PLCG2: variants seen among roughly 807,000 people sequenced by gnomAD.
PLCG2 encodes phospholipase C gamma 2.
PLCG2 carries 69 observed loss-of-function variants against 175.6 expected under a neutral mutation model. That is an observed-to-expected ratio of 0.39 (90% CI 0.32 to 0.48). The LOEUF (loss-of-function observed/expected upper bound fraction) is 0.48. Among genes scored for constraint, PLCG2 ranks in the 20% least tolerant of loss-of-function variants. The pLI is 0.91. For missense variants in PLCG2, 1,798 were observed against 1,650.9 expected (o/e 1.09, Z -1.54); for synonymous variants, 827 against 624.0 (o/e 1.33, Z -4.85).
At chr16:81,893,621 G>T (rs1426718964) in intron 11 of PLCG2, 88 bp from the exon 12 acceptor site, 2 of 788,860 alleles carry the variant, frequency 2.5e-6, no homozygotes, top group Non-Finnish European at 4.4e-6. Flanking sequence ...GGGCGGAGAA[G>T]TTCCCCCACA....
chr16:81,761,717 C>G (rs965198850), intron 2 of PLCG2, among the ~76,000 whole-genome samples: 9 of 152,062 alleles, frequency 5.9e-5, no homozygotes, highest in Non-Finnish European at 1.3e-4. Flanking sequence ...TAGTTGTTTG[C>G]TCTTCTCATT....
intron 25 of PLCG2, among the ~76,000 whole-genome samples, chr16:81,931,909 G>A (rs2143714472): frequency 1.3e-5 from 2 of 152,320 alleles, no homozygotes; most frequent in South Asian, 4.1e-4. Flanking sequence ...CTGCAGCAAT[G>A]CTCATTGATG....
chr16:81,939,289 A>G lies in PLCG2; in HGVS notation c.3313+374A>G, dbSNP rs544389264. On this transcript the variant is annotated intron_variant, in intron 29 of 32. Coordinates refer to ENST00000564138, the MANE Select transcript of PLCG2 (RefSeq NM_002661.5). ...CTGACCTGACCCAGAGGATCAGCCT[A>G]ACCTGGGAGATCTTAGCCCCTAGAG... Among the ~76,000 whole-genome samples, 9 of 152,290 alleles carry G rather than the reference A, an allele frequency of 5.9e-5. No individual in the cohort carries two copies. The South Asian group carries it at 1.9e-3, about 32-fold the overall frequency.
intron 2 of PLCG2, among the ~76,000 whole-genome samples, chr16:81,809,196 A>T (rs1441778503): frequency 2.6e-5 from 4 of 151,848 alleles, no homozygotes; most frequent in Non-Finnish European, 5.9e-5. Context: ...CTCAGCACAC[A>T]CCTCTGCACA....
chr16:81,785,932 T>G lies in PLCG2; in HGVS notation c.-47-11T>G. ...CTAAAATCAGTTCACTCTTTAATTC[T>G]GCCCTTTCAGCTTCCTGATTTCTCC... On this transcript the variant is annotated splice_polypyrimidine_tract_variant and intron_variant, in intron 1 of 32. Coordinates refer to ENST00000564138, the MANE Select transcript of PLCG2 (RefSeq NM_002661.5). The G allele has an allele frequency of 6.6e-7, 1 of 1,508,878 alleles. No homozygotes were observed. Among genetic ancestry groups the G allele is most frequent in the Non-Finnish European group, 9.1e-7 (1 of 1,095,792 alleles). 93.5% of individuals were successfully genotyped at this position (1,508,878 alleles called of 1,614,324 possible). A position where few individuals can be genotyped will look rare whatever the true frequency, so the allele number is the denominator to read the frequency against.
chr16:81,746,554 G>C (rs911402547), intron 1 of PLCG2, among the ~76,000 whole-genome samples: 1 of 152,208 alleles, frequency 6.6e-6, no homozygotes, highest in Non-Finnish European at 1.5e-5. Context: ...ACAACTTTTG[G>C]ATTTTGAATT....
rs73587698 is a variant in PLCG2, at chr16:81,793,471, G to A, written c.193+7289G>A. Among the ~76,000 whole-genome samples the A allele has an allele frequency of 2.4e-3, 367 of 152,298 alleles. 1 individual carries two copies. Among genetic ancestry groups the A allele is most frequent in the African/African-American group, 8.4e-3 (351 of 41,560 alleles). The stretch of plus-strand genomic sequence containing the variant: ...TTGTGGGTCTGGAATTTTAGGGTCG[G>A]CTGTGGTGATGGGCCCTTTTGAGGG... On this transcript the variant is annotated intron_variant, in intron 2 of 32. Transcript: ENST00000564138.
At chr16:81,763,570 T>C (rs1910083465) in intron 2 of PLCG2, among the ~76,000 whole-genome samples, 1 of 152,242 alleles carries the variant, frequency 6.6e-6, no homozygotes, top group African/African-American at 2.4e-5. Flanking sequence ...GGGTAGCTGG[T>C]CTTCTAACGT....
chr16:81,889,023 A>C, intron 9 of PLCG2, 149 bp from the exon 10 acceptor site: 20 of 558,234 alleles, frequency 3.6e-5, no homozygotes, highest in East Asian at 6.0e-5. Context: ...CATGTGCAGA[A>C]TGAGGCCTCA....
At chr16:81,851,769 TC>T (rs1293441370) in intron 2 of PLCG2, among the ~76,000 whole-genome samples, 3 of 152,210 alleles carry the variant, frequency 2.0e-5, no homozygotes, top group Non-Finnish European at 4.4e-5. Flanking sequence ...CGCCTTGGCC[TC>T]CCAAAGTGCT....
chr16:81,769,245 T>G (rs1211868112), intron 2 of PLCG2, among the ~76,000 whole-genome samples: 1 of 152,206 alleles, frequency 6.6e-6, no homozygotes, highest in Non-Finnish European at 1.5e-5. Context: ...ACGTCTAATA[T>G]CTTCCTGTAT....
In PLCG2 at chr16:81,900,823, G is replaced by T. The variant is rs200141999; in HGVS notation, c.1362+43G>T. 984 of 1,561,402 alleles carry T rather than the reference G, an allele frequency of 6.3e-4. 4 individuals carry two copies. The African/African-American group carries it at 0.012, about 19-fold the overall frequency. ...TGCTGTTGGCTGTCCAGGGAGCCCA[G>T]TGGCTCGGTTCCCCGGCTCTGGGTC... On this transcript the variant is annotated intron_variant, in intron 14 of 32. Transcript: ENST00000564138.
At chr16:81,932,839 A>G (rs796923393) in intron 25 of PLCG2, among the ~76,000 whole-genome samples, 3 of 152,324 alleles carry the variant, frequency 2.0e-5, no homozygotes, top group African/African-American at 7.2e-5. Context: ...ACCACCAGCC[A>G]TGGGGGAGGA....
In PLCG2 at chr16:81,909,376, C is replaced by T. The variant is rs183852836; in HGVS notation, c.1733+785C>T. 1.1e-4 allele frequency among the ~76,000 whole-genome samples: 17 copies of T among 152,156 alleles called. No homozygotes were observed. The East Asian group carries it at 2.7e-3, about 24-fold the overall frequency. On this transcript the variant is annotated intron_variant, in intron 17 of 32. Transcript: ENST00000564138. ...CGTGGGGAATGGTTAGGAAAACCTT[C>T]CTGAAAGAAGATGAGACCTGAAAGA...
intron 2 of PLCG2, among the ~76,000 whole-genome samples, chr16:81,830,246 G>T (rs1905206907): frequency 1.3e-5 from 2 of 152,102 alleles, no homozygotes; most frequent in African/African-American, 4.8e-5. Flanking sequence ...CCTAAGCCCA[G>T]GAGGTTGAGG....
At chr16:81,957,333 G>C (rs1332822679) in intron 32 of PLCG2, among the ~76,000 whole-genome samples, 2 of 151,940 alleles carry the variant, frequency 1.3e-5, no homozygotes, top group African/African-American at 4.8e-5. Context: ...AAAATCCTTT[G>C]GCACCCTTGA....
chr16:81,953,620 C>A lies in PLCG2; in HGVS notation c.3571-3075C>A, dbSNP rs867707295. Reference sequence around the variant, plus strand: ...AACAAACTAAATTTTTAAGTGAAAACTCAGACTCAAAAGAAATCCAGGAAA... The same window carrying A: ...AACAAACTAAATTTTTAAGTGAAAAATCAGACTCAAAAGAAATCCAGGAAA... On this transcript the variant is annotated intron_variant, in intron 31 of 32. Transcript: ENST00000564138. Among the ~76,000 whole-genome samples, 4 of 152,160 alleles carry A rather than the reference C, an allele frequency of 2.6e-5. No individual in the cohort carries two copies. In the South Asian group the frequency reaches 8.3e-4, roughly 31 times the overall value.
rs895484969 is a variant in PLCG2 at position 81,889,468 on chromosome 16, A to G, written c.867+195A>G. ...CAGGTTCTAGATTACTGTAACTGTA[A>G]CTGCCCAGTGGGTTCATTTTGCCTG... On this transcript the variant is annotated intron_variant, in intron 10 of 32. Coordinates refer to ENST00000564138, the MANE Select transcript of PLCG2 (RefSeq NM_002661.5). 34 of 509,286 alleles carry G rather than the reference A, an allele frequency of 6.7e-5. No homozygotes were observed. In the South Asian group the frequency reaches 8.5e-4, roughly 13 times the overall value. The allele number at this position is 509,286 out of a possible 1,614,324, so 31.5% of individuals were successfully genotyped here.
At chr16:81,939,662 G>A (rs372962733) in intron 29 of PLCG2, among the ~76,000 whole-genome samples, 9 of 152,300 alleles carry the variant, frequency 5.9e-5, no homozygotes, top group African/African-American at 1.9e-4. Flanking sequence ...ATGGGAGGTG[G>A]TCTCCTTCCT....
Sources: gnomAD v4.1 joint callset for allele counts (sites outside exome capture counted in the v4.1 genomes callset) on GRCh38, gnomAD v4.1.1 for gene constraint, MANE v1.5 for transcripts, NCBI Gene and HGNC (gene_info 2026-07-23, HGNC 2026-07-21) for gene names.